The following PSEN2 variants were observed in gnomAD, a reference collection of about 807,000 sequenced individuals.
PSEN2 encodes presenilin-2.
PSEN2 carries 32 observed loss-of-function variants against 49.1 expected under a neutral mutation model. The observed-to-expected ratio is 0.65, with a 90% CI of 0.49 to 0.88. PSEN2 has a LOEUF of 0.88. Ranked by LOEUF, PSEN2 falls within the 40% of genes least tolerant of loss-of-function variation. PSEN2 has a pLI of 0.00. For missense variants in PSEN2, 522 were observed against 586.9 expected (o/e 0.89, Z 1.14); for synonymous variants, 255 against 244.0 (o/e 1.05, Z -0.42).
At chr1:226,881,072 C>T (rs887937258) in intron 3 of PSEN2, among the ~76,000 whole-genome samples, 4 of 152,226 alleles carry the variant, frequency 2.6e-5, no homozygotes, top group Non-Finnish European at 4.4e-5. Flanking sequence ...AGGTCCTGCC[C>T]TTGACCTCTT....
chr1:226,887,907 G>A (rs955704051), intron 6 of PSEN2, among the ~76,000 whole-genome samples, 184 bp from the exon 7 acceptor site: 1 of 152,164 alleles, frequency 6.6e-6, no homozygotes, highest in Non-Finnish European at 1.5e-5. Context: ...GATGACCTGA[G>A]GGGAACTCCT....
In PSEN2 at chr1:226,885,689, T is replaced by C; in HGVS notation, c.498+10T>C. 6.2e-7 allele frequency: 1 copy of C among 1,605,280 alleles called. No individual in the cohort carries two copies. On this transcript the variant is annotated intron_variant, in intron 6 of 12. Coordinates refer to ENST00000366783, the MANE Select transcript of PSEN2 (RefSeq NM_000447.3). ...GTACCGCTGCTACAAGGTGAGGCCC[T>C]GGCCCTGCCCTCCAGCCACGCTTCT...
Position 226,876,034 on chromosome 1 carries a change from G to C in PSEN2, c.-21+484G>C, listed in dbSNP as rs113235155. On this transcript the variant is annotated intron_variant, in intron 3 of 12. Transcript: ENST00000366783. ...TTCTCTAGAGAATGGGGTGCAGGGG[G>C]TGGGAGACGGGGAAAGCTGGTCGCT... is the stretch of plus-strand genomic sequence containing the variant. Among the ~76,000 whole-genome samples, 1,192 of 152,326 alleles carry C rather than the reference G, an allele frequency of 7.8e-3. 8 individuals carry two copies. Among genetic ancestry groups the C allele is most frequent in the Non-Finnish European group, 0.011 (727 of 68,034 alleles).
At chr1:226,891,399 G>T in intron 10 of PSEN2, 38 bp downstream of exon 10, 1 of 1,555,446 alleles carries the variant, frequency 6.4e-7, no homozygotes, top group Non-Finnish European at 8.8e-7. Flanking sequence ...CTCATCACTG[G>T]GGGGCAGCTC....
intron 7 of PSEN2, 56 bp downstream of exon 7, chr1:226,888,214 T>TGGACATGGGCATGAGGACCTGGGCGG: frequency 6.9e-7 from 1 of 1,440,152 alleles, no homozygotes; most frequent in Non-Finnish European, 9.8e-7. Context: ...GTGGCACAAG[T>TGGACATGGGCATGAGGACCTGGGCGG]GGACATGGGC....
Position 226,889,034 on chromosome 1 carries a change from G to T in PSEN2, c.772G>T (p.Ala258Ser), listed in dbSNP as rs148238688. 1 of 1,613,738 alleles carries T rather than the reference G, an allele frequency of 6.2e-7. No homozygotes were observed. The highest frequency in any genetic ancestry group is 2.2e-5 in the East Asian group (1 of 44,878). Residue 258 changes from alanine (A) to serine (S), a missense_variant, in exon 8 of 13, where the codon GCC (alanine) becomes TCC (serine). Ala to Ser is a moderately conservative substitution (Grantham distance 99, BLOSUM62 1). Coordinates refer to ENST00000366783, the MANE Select transcript of PSEN2 (RefSeq NM_000447.3). The part of the protein sequence containing the change: ...PEWSAWVILG[A>S]ISVYDLVAVL... ...GTGGTCCGCGTGGGTCATCCTGGGC[G>T]CCATCTCTGTGTATGGTAGGTGGGC... is the stretch of plus-strand genomic sequence containing the variant.
downstream of PSEN2, among the ~76,000 whole-genome samples, chr1:226,896,291 G>A (rs1662144071): frequency 6.6e-6 from 1 of 152,200 alleles, no homozygotes; most frequent in South Asian, 2.1e-4. Flanking sequence ...GAGCAGGGTG[G>A]CCTGACATCT....
chr1:226,884,033 AAAGAG>A, intron 5 of PSEN2, 114 bp downstream of exon 5: 1 of 945,856 alleles, frequency 1.1e-6, no homozygotes. Flanking sequence ...CAGCAGCGGT[AAAGAG>A]CAGGGATGAA....
intron 12 of PSEN2, among the ~76,000 whole-genome samples, chr1:226,894,365 C>T (rs567034768): frequency 4.8e-4 from 73 of 152,310 alleles, no homozygotes; most frequent in African/African-American, 1.7e-3. Context: ...AGGAGTGTAC[C>T]GGCCCCAGCG....
chr1:226,896,987 C>T (rs1281047871), downstream of PSEN2, among the ~76,000 whole-genome samples: 1 of 152,150 alleles, frequency 6.6e-6, no homozygotes, highest in Non-Finnish European at 1.5e-5. Flanking sequence ...GCTTGCTTTC[C>T]CCCAGGCTGT....
intron 3 of PSEN2, among the ~76,000 whole-genome samples, chr1:226,877,781 G>A (rs971703306): frequency 7.9e-5 from 12 of 152,224 alleles, no homozygotes; most frequent in African/African-American, 2.9e-4. Flanking sequence ...GAGGCCGCAT[G>A]TATGAATGAC....
At chr1:226,891,025 G>A in intron 9 of PSEN2, 1 of 543,238 alleles carries the variant, frequency 1.8e-6, no homozygotes, top group Non-Finnish European at 3.3e-6. Flanking sequence ...TGAACTGTGA[G>A]GTCTTGGCTC....
chr1:226,903,279 A>AC (rs894200937), intron 12 of PSEN2, among the ~76,000 whole-genome samples: 14 of 151,114 alleles, frequency 9.3e-5, no homozygotes, highest in African/African-American at 3.2e-4. Flanking sequence ...GGTTAAGAAA[A>AC]CCCCCCATGC....
At chr1:226,897,691 C>A (rs1214824585), downstream of PSEN2, 1 of 155,432 alleles carries the variant, frequency 6.4e-6, no homozygotes, top group Non-Finnish European at 1.5e-5. Flanking sequence ...TGTAACCCGT[C>A]AACTAATATC....
At position 226,881,976 on chromosome 1, in the gene PSEN2, T is replaced by C. The variant is rs11405; in HGVS notation, c.69T>C (p.Ala23=). The C allele has an allele frequency of 0.77, 1,242,351 of 1,613,976 alleles. 479,454 individuals are homozygous for C. The highest frequency in any genetic ancestry group is 0.82 in the African/African-American group (61,570 of 75,002). The part of the protein sequence containing the change: ...VCDERTSLMS[A]ESPTPRSCQE... ...ATGAGCGGACGTCCCTAATGTCGGC[T>C]GAGAGCCCCACGCCGCGCTCCTGCC... Residue 23 remains alanine (A), a synonymous_variant, in exon 4 of 13, where the codon GCT becomes GCC. Coordinates refer to ENST00000366783, the MANE Select transcript of PSEN2 (RefSeq NM_000447.3).
At chr1:226,889,987 A>T in intron 8 of PSEN2, 48 bp from the exon 9 acceptor site, 1 of 1,495,476 alleles carries the variant, frequency 6.7e-7, no homozygotes, top group East Asian at 2.3e-5. Context: ...GCTCTTCTTC[A>T]GGGGGCTGCC....
downstream of PSEN2, among the ~76,000 whole-genome samples, chr1:226,896,428 T>C (rs111906419): frequency 0.051 from 7,754 of 152,274 alleles, 674 homozygotes; most frequent in African/African-American, 0.17. Context: ...GTTCACCCTC[T>C]GCAGAAGCCT....
intron 6 of PSEN2, among the ~76,000 whole-genome samples, chr1:226,886,243 C>G (rs956575601): frequency 1.3e-5 from 2 of 152,196 alleles, no homozygotes; most frequent in Non-Finnish European, 2.9e-5. Flanking sequence ...TCTCATATTT[C>G]AAAGTTAATT....
intron 2 of PSEN2, among the ~76,000 whole-genome samples, chr1:226,874,661 TA>T (rs1196081098): frequency 6.6e-6 from 1 of 152,202 alleles, no homozygotes; most frequent in East Asian, 1.9e-4. Context: ...TCATCTTCTT[TA>T]TAACTACGAC....
Sources: allele counts gnomAD v4.1 joint callset (sites outside exome capture counted in the v4.1 genomes callset), GRCh38; gene constraint gnomAD v4.1.1; transcripts MANE v1.5; gene names NCBI Gene and HGNC (gene_info 2026-07-23, HGNC 2026-07-21).